Variants in BMAL2 observed in about 807,000 individuals in gnomAD.
The protein encoded by BMAL2 is basic helix-loop-helix ARNT like 2, also known as basic helix-loop-helix ARNT-like protein 2.
the BMAL2 span, chr12:27,400,902 A>G: frequency 1.2e-5 from 11 of 917,242 alleles, no homozygotes; most frequent in Non-Finnish European, 1.6e-5. Flanking sequence ...TAAAGTTTAA[A>G]TGAAATAAGA....
chr12:27,345,298 T>C, the BMAL2 span, among the ~76,000 whole-genome samples: 4 of 152,176 alleles, frequency 2.6e-5, no homozygotes, highest in Admixed American at 2.6e-4. Flanking sequence ...ATTCTAGGTG[T>C]CTTTCTTTCC....
the BMAL2 span, among the ~76,000 whole-genome samples, chr12:27,345,817 G>C: frequency 6.6e-6 from 1 of 152,138 alleles, no homozygotes; most frequent in Middle Eastern, 3.4e-3. Flanking sequence ...AATTTGTTTT[G>C]TTCTTTTTCC....
chr12:27,395,468 G>T, the BMAL2 span, among the ~76,000 whole-genome samples: 1 of 152,066 alleles, frequency 6.6e-6, no homozygotes, highest in Non-Finnish European at 1.5e-5. Flanking sequence ...GATGTCCTCC[G>T]TGGAACTGCA....
the BMAL2 span, among the ~76,000 whole-genome samples, chr12:27,382,013 A>C: frequency 5.9e-5 from 9 of 152,216 alleles, no homozygotes; most frequent in African/African-American, 2.2e-4. Flanking sequence ...TGGTCAAGTC[A>C]AGTTAAGGTG....
At chr12:27,375,515 A>G in the BMAL2 span, among the ~76,000 whole-genome samples, 1 of 152,208 alleles carries the variant, frequency 6.6e-6, no homozygotes, top group South Asian at 2.1e-4. Flanking sequence ...AGAAATATCT[A>G]CATGGTACCC....
the BMAL2 span, chr12:27,402,719 A>G: frequency 6.6e-7 from 1 of 1,523,738 alleles, no homozygotes; most frequent in Admixed American, 1.8e-5. Flanking sequence ...TTACTAAGAC[A>G]TATTATTAAG....
chr12:27,352,902 C>T, the BMAL2 span, among the ~76,000 whole-genome samples: 1 of 152,096 alleles, frequency 6.6e-6, no homozygotes, highest in East Asian at 1.9e-4. Context: ...AAGAGAATGA[C>T]AAAACACTGC....
At chr12:27,333,953 G>A in the BMAL2 span, among the ~76,000 whole-genome samples, 2 of 152,230 alleles carry the variant, frequency 1.3e-5, no homozygotes, top group South Asian at 2.1e-4. Flanking sequence ...TAAGACAAAT[G>A]AGAGGCAGGA....
At chr12:27,356,215 A>G in the BMAL2 span, among the ~76,000 whole-genome samples, 4 of 152,198 alleles carry the variant, frequency 2.6e-5, no homozygotes, top group South Asian at 2.1e-4. Flanking sequence ...GGTGGAATGC[A>G]TTATGATGAA....
the BMAL2 span, among the ~76,000 whole-genome samples, chr12:27,400,346 A>G: frequency 6.6e-6 from 1 of 152,310 alleles, no homozygotes; most frequent in East Asian, 1.9e-4. Flanking sequence ...ATAATCTATT[A>G]ATAATAAAGT....
chr12:27,390,619 AT>A, the BMAL2 span: 2 of 163,750 alleles, frequency 1.2e-5, no homozygotes, highest in Admixed American at 6.4e-5. Context: ...GATTTGACTA[AT>A]TTTGGTGAAA....
the BMAL2 span, among the ~76,000 whole-genome samples, chr12:27,412,294 T>C: frequency 1.3e-5 from 2 of 152,156 alleles, no homozygotes; most frequent in Non-Finnish European, 1.5e-5. Flanking sequence ...TGAAAGTAGG[T>C]AGAAGGAATC....
chr12:27,390,360 TAAAA>T, the BMAL2 span: 1 of 1,173,568 alleles, frequency 8.5e-7, no homozygotes, highest in Non-Finnish European at 1.2e-6. Flanking sequence ...AAAAGCATCT[TAAAA>T]ATAAGATTTT....
the BMAL2 span, chr12:27,421,624 A>G: frequency 6.6e-6 from 1 of 152,134 alleles, no homozygotes; most frequent in Middle Eastern, 3.4e-3. Flanking sequence ...TCATCTCAAA[A>G]AAAGTAAAAA....
At chr12:27,420,538 G>A in the BMAL2 span, 1 of 1,548,274 alleles carries the variant, frequency 6.5e-7, no homozygotes. Context: ...TCTAGCCTTT[G>A]ATTTTTAACT....
the BMAL2 span, among the ~76,000 whole-genome samples, chr12:27,356,858 C>T: frequency 1.3e-5 from 2 of 152,060 alleles, no homozygotes; most frequent in Non-Finnish European, 2.9e-5. Context: ...ACCCATCACC[C>T]GAGCAGTATA....
chr12:27,381,441 G>A, the BMAL2 span, among the ~76,000 whole-genome samples: 1 of 152,158 alleles, frequency 6.6e-6, no homozygotes, highest in Non-Finnish European at 1.5e-5. Context: ...CATGGCAGAA[G>A]GCAAAGTGGG....
chr12:27,419,105 T>C, the BMAL2 span, among the ~76,000 whole-genome samples: 4 of 152,080 alleles, frequency 2.6e-5, no homozygotes, highest in South Asian at 8.3e-4. Flanking sequence ...GGAAAAAAGG[T>C]CCATTCTCAA....
chr12:27,403,492 G>A, the BMAL2 span: 2 of 1,611,384 alleles, frequency 1.2e-6, no homozygotes, highest in African/African-American at 2.7e-5. Context: ...AGTACTTGGT[G>A]CTGGTAGTAT....
Sources: gnomAD v4.1 joint callset for allele counts (sites outside exome capture counted in the v4.1 genomes callset) on GRCh38, gnomAD v4.1.1 for gene constraint, MANE v1.5 for transcripts, NCBI Gene and HGNC (gene_info 2026-07-23, HGNC 2026-07-21) for gene names.